The following LRTM3 variants were observed in gnomAD, a reference collection of about 807,000 sequenced individuals.
LRTM3 encodes the protein leucine rich repeat transmembrane protein 3.
chr13:102,745,569 T>A, the LRTM3 span: 2 of 1,551,038 alleles, frequency 1.3e-6, no homozygotes, highest in Non-Finnish European at 1.7e-6. Context: ...TTTGCCTTTA[T>A]AATTCCACAT....
the LRTM3 span, chr13:102,730,818 G>T: frequency 1.1e-5 from 17 of 1,551,504 alleles, no homozygotes; most frequent in South Asian, 2.0e-4. Context: ...GGAAGCCCCA[G>T]GAGAAAACGA....
the LRTM3 span, chr13:102,744,487 T>A: frequency 2.6e-6 from 4 of 1,550,804 alleles, no homozygotes; most frequent in Non-Finnish European, 3.5e-6. Context: ...CCATACATTT[T>A]ATTCCTTCTT....
At chr13:102,730,933 A>G in the LRTM3 span, 1 of 1,551,378 alleles carries the variant, frequency 6.4e-7, no homozygotes, top group Non-Finnish European at 8.7e-7. Flanking sequence ...CAGGATGAAT[A>G]CAGTTAGATA....
the LRTM3 span, chr13:102,745,630 C>T: frequency 3.9e-6 from 6 of 1,550,836 alleles, no homozygotes; most frequent in South Asian, 1.2e-5. Context: ...AGTTTCTCGT[C>T]GTTTTAGGTG....
the LRTM3 span, chr13:102,736,666 C>T: frequency 3.2e-6 from 5 of 1,550,506 alleles, no homozygotes; most frequent in African/African-American, 6.9e-5. Flanking sequence ...GTGCCTTTTC[C>T]CCTTGTTGAC....
the LRTM3 span, chr13:102,746,276 G>C: frequency 1.4e-5 from 21 of 1,550,980 alleles, no homozygotes; most frequent in Admixed American, 9.8e-5. Flanking sequence ...CTGTGGCGCT[G>C]CTTCTAATAA....
chr13:102,742,314 C>T, the LRTM3 span: 1 of 1,549,726 alleles, frequency 6.5e-7, no homozygotes, highest in Non-Finnish European at 8.7e-7. Flanking sequence ...GTACTTTCCA[C>T]ATCTGCTGTC....
the LRTM3 span, chr13:102,746,801 CTT>C: frequency 6.4e-7 from 1 of 1,551,242 alleles, no homozygotes; most frequent in African/African-American, 1.4e-5. Context: ...ATAACTTTCT[CTT>C]GTTTGGTTTA....
chr13:102,730,417 A>G, the LRTM3 span: 1 of 1,550,980 alleles, frequency 6.4e-7, no homozygotes, highest in South Asian at 1.2e-5. Context: ...TCTGAGTTTC[A>G]CATGAAACAG....
At chr13:102,743,034 A>G in the LRTM3 span, 5 of 1,548,654 alleles carry the variant, frequency 3.2e-6, no homozygotes, top group Non-Finnish European at 4.4e-6. Flanking sequence ...TTTGAGAAAA[A>G]AGTTTCTCCC....
At chr13:102,747,225 T>G in the LRTM3 span, 1 of 1,550,754 alleles carries the variant, frequency 6.4e-7, no homozygotes, top group Non-Finnish European at 8.7e-7. Flanking sequence ...TTCTCTGCAT[T>G]TAATCTGCTA....
the LRTM3 span, chr13:102,734,564 A>C: frequency 6.4e-7 from 1 of 1,551,000 alleles, no homozygotes; most frequent in Non-Finnish European, 8.7e-7. Flanking sequence ...TGTGCCTCTC[A>C]TATCGATTAT....
chr13:102,736,293 G>C, the LRTM3 span: 4 of 1,551,044 alleles, frequency 2.6e-6, no homozygotes, highest in Admixed American at 5.9e-5. Flanking sequence ...CCCCACTGTG[G>C]CTCCTTTCTC....
chr13:102,737,634 C>A, the LRTM3 span: 1 of 1,550,630 alleles, frequency 6.4e-7, no homozygotes, highest in Admixed American at 2.0e-5. Flanking sequence ...TCTTTGTCTT[C>A]TGGATGCATT....
the LRTM3 span, chr13:102,743,084 CTAAGA>C: frequency 6.5e-7 from 1 of 1,550,368 alleles, no homozygotes; most frequent in Non-Finnish European, 8.7e-7. Flanking sequence ...ACGATCCTTT[CTAAGA>C]TATGTGTTTG....
At chr13:102,741,459 C>G in the LRTM3 span, 1 of 1,549,992 alleles carries the variant, frequency 6.5e-7, no homozygotes, top group African/African-American at 1.4e-5. Context: ...TTAGAACCTA[C>G]AAATATATCA....
the LRTM3 span, chr13:102,731,231 G>A: frequency 1.9e-6 from 3 of 1,551,232 alleles, no homozygotes; most frequent in South Asian, 2.4e-5. Context: ...GGCAAGAGGT[G>A]AATCCTTTTG....
chr13:102,747,224 T>A, the LRTM3 span: 1 of 1,550,728 alleles, frequency 6.4e-7, no homozygotes, highest in Non-Finnish European at 8.7e-7. Flanking sequence ...ATTCTCTGCA[T>A]TTAATCTGCT....
the LRTM3 span, chr13:102,735,764 A>G: frequency 1.3e-6 from 2 of 1,546,166 alleles, no homozygotes; most frequent in South Asian, 2.4e-5. Flanking sequence ...TGAATCCTGA[A>G]TCTTTAGTGG....
Sources: gnomAD v4.1 joint callset for allele counts on GRCh38, gnomAD v4.1.1 for gene constraint, MANE v1.5 for transcripts, NCBI Gene and HGNC (gene_info 2026-07-23, HGNC 2026-07-21) for gene names.